The following NFIA variants were observed in gnomAD, a reference collection of about 807,000 sequenced individuals.
NFIA encodes nuclear factor 1 A-type.
NFIA carries 8 observed loss-of-function variants against 62.8 expected under a neutral mutation model. The ratio of observed to expected loss-of-function variants is 0.13; its 90% CI spans 0.07 to 0.23. NFIA has a LOEUF of 0.23. Ranked by LOEUF, NFIA falls within the 10% of genes least tolerant of loss-of-function variation. The probability of loss-of-function intolerance (pLI) is 1.00; values close to 1 mark genes in which losing one functional copy is unlikely to be tolerated. For missense variants in NFIA, 410 were observed against 642.1 expected (o/e 0.64, Z 3.91); for synonymous variants, 235 against 238.1 (o/e 0.99, Z 0.12).
intron 2 of NFIA, among the ~76,000 whole-genome samples, chr1:61,214,524 G>C (rs528246675): frequency 7.9e-5 from 12 of 152,242 alleles, no homozygotes; most frequent in Non-Finnish European, 1.6e-4. Flanking sequence ...CTTCATACTT[G>C]CTTGCTGAGA....
chr1:61,232,771 T>A (rs1045451177), intron 2 of NFIA, among the ~76,000 whole-genome samples: 5 of 152,186 alleles, frequency 3.3e-5, no homozygotes, highest in Non-Finnish European at 7.3e-5. Flanking sequence ...ACTTTCTACT[T>A]TCTTCCCTTT....
intron 2 of NFIA, among the ~76,000 whole-genome samples, chr1:61,228,792 T>C (rs1654490804): frequency 6.6e-6 from 1 of 152,324 alleles, no homozygotes; most frequent in South Asian, 2.1e-4. Context: ...TTATATCTTA[T>C]GATTTAAGCT....
intron 2 of NFIA, among the ~76,000 whole-genome samples, chr1:61,257,860 T>TA (rs1656514450): frequency 8.7e-6 from 1 of 114,790 alleles, no homozygotes; most frequent in Non-Finnish European, 1.7e-5. Context: ...CATGCTTAGC[T>TA]GTTTTTTTTT....
chr1:61,277,635 C>G, intron 3 of NFIA, 50 bp downstream of exon 3: 2 of 1,586,800 alleles, frequency 1.3e-6, no homozygotes, highest in Non-Finnish European at 1.7e-6. Context: ...CCACAGCAGC[C>G]AGCAGGCCGA....
At chr1:61,431,239 A>G (rs1667087083) in intron 10 of NFIA, among the ~76,000 whole-genome samples, 1 of 152,360 alleles carries the variant, frequency 6.6e-6, no homozygotes, top group East Asian at 1.9e-4. Context: ...TAAAGAAAAA[A>G]AAGTTAATAT....
At chr1:61,236,316 A>G (rs1655010983) in intron 2 of NFIA, among the ~76,000 whole-genome samples, 1 of 152,156 alleles carries the variant, frequency 6.6e-6, no homozygotes, top group Non-Finnish European at 1.5e-5. Flanking sequence ...CTGTATCTTG[A>G]GGGTACTTGT....
intron 7 of NFIA, among the ~76,000 whole-genome samples, chr1:61,390,412 C>T (rs1487648810): frequency 2.0e-5 from 3 of 151,928 alleles, no homozygotes; most frequent in Admixed American, 2.0e-4. Context: ...CTAAAGCAAT[C>T]ACCATATAAA....
At chr1:61,356,128 A>G (rs7521994) in intron 5 of NFIA, among the ~76,000 whole-genome samples, 5,682 of 152,268 alleles carry the variant, frequency 0.037, 359 homozygotes, top group African/African-American at 0.13. Flanking sequence ...TCCATGTCAC[A>G]TGTATTTGTA....
Position 61,310,136 on chromosome 1 carries a change from A to G in NFIA, c.626-22376A>G, listed in dbSNP as rs184245475. On this transcript the variant is annotated intron_variant, in intron 3 of 10. Transcript: ENST00000403491. Reference sequence around the variant, plus strand: ...ATGTATCTCAGGTGAAATGTTAATCAATTCAATGTTTCTTTGTGTTTTGAA... The same window carrying G: ...ATGTATCTCAGGTGAAATGTTAATCGATTCAATGTTTCTTTGTGTTTTGAA... Among the ~76,000 whole-genome samples the G allele has an allele frequency of 3.3e-5, 5 of 152,322 alleles. No homozygotes were observed. In the East Asian group the frequency reaches 9.7e-4, roughly 29 times the overall value.
chr1:61,341,517 T>G (rs1642791372), intron 4 of NFIA, among the ~76,000 whole-genome samples: 1 of 151,914 alleles, frequency 6.6e-6, no homozygotes, highest in African/African-American at 2.4e-5. Context: ...CTCACTCTGT[T>G]GTCCAGGCTG....
upstream of NFIA, among the ~76,000 whole-genome samples, chr1:61,079,300 G>A (rs1227409380): frequency 6.6e-6 from 1 of 152,208 alleles, no homozygotes; most frequent in Admixed American, 6.5e-5. Context: ...TATCTTCACT[G>A]CTTTGGGTAT....
At chr1:61,325,976 T>C (rs182596629) in intron 3 of NFIA, among the ~76,000 whole-genome samples, 1 of 151,806 alleles carries the variant, frequency 6.6e-6, no homozygotes, top group East Asian at 1.9e-4. Flanking sequence ...AATTATACTC[T>C]TTATTTTTGT....
chr1:61,331,324 A>G (rs889995984), intron 3 of NFIA, among the ~76,000 whole-genome samples: 10 of 152,228 alleles, frequency 6.6e-5, no homozygotes, highest in African/African-American at 2.4e-4. Context: ...TTGCAGGTCC[A>G]TTTATACTCC....
intron 10 of NFIA, among the ~76,000 whole-genome samples, chr1:61,432,922 G>A (rs1383285977): frequency 6.6e-6 from 1 of 152,122 alleles, no homozygotes; most frequent in Non-Finnish European, 1.5e-5. Context: ...AGCCCTCTAA[G>A]GTGCTACATC....
At chr1:61,114,191 CATT>C (rs1646757304) in intron 2 of NFIA, among the ~76,000 whole-genome samples, 1 of 152,036 alleles carries the variant, frequency 6.6e-6, no homozygotes, top group South Asian at 2.1e-4. Flanking sequence ...TCAAAAATAA[CATT>C]ATACGATAAA....
intron 2 of NFIA, among the ~76,000 whole-genome samples, chr1:61,187,694 A>C (rs1651295771): frequency 6.6e-6 from 1 of 152,188 alleles, no homozygotes; most frequent in Admixed American, 6.5e-5. Flanking sequence ...ACTTGCCTTT[A>C]AGTCTTGTTT....
intron 2 of NFIA, among the ~76,000 whole-genome samples, chr1:61,143,955 A>G (rs1647732260): frequency 6.6e-6 from 1 of 152,242 alleles, no homozygotes; most frequent in Non-Finnish European, 1.5e-5. Flanking sequence ...TTCCTAGGCC[A>G]CAGTAAGAAT....
At chr1:61,421,167 A>G (rs1666601041) in intron 9 of NFIA, among the ~76,000 whole-genome samples, 1 of 151,972 alleles carries the variant, frequency 6.6e-6, no homozygotes, top group Non-Finnish European at 1.5e-5. Flanking sequence ...TCTGTCCTTT[A>G]CACCCTGCAG....
At chr1:61,265,980 A>C (rs17121875) in intron 2 of NFIA, among the ~76,000 whole-genome samples, 21,279 of 152,206 alleles carry the variant, frequency 0.14, 2,163 homozygotes, top group African/African-American at 0.27. Context: ...AAATAAGCAA[A>C]TATCACTCAG....
Sources: gnomAD v4.1 joint callset for allele counts (sites outside exome capture counted in the v4.1 genomes callset) on GRCh38, gnomAD v4.1.1 for gene constraint, MANE v1.5 for transcripts, NCBI Gene and HGNC (gene_info 2026-07-23, HGNC 2026-07-21) for gene names.